MTMR7: variants seen among roughly 807,000 people sequenced by gnomAD.
The protein encoded by MTMR7 is phosphatidylinositol-3-phosphate phosphatase MTMR7.
A neutral mutation model predicts 81.2 loss-of-function variants in MTMR7; 76 were observed. That is an observed-to-expected ratio of 0.94 (90% CI 0.78 to 1.13). The LOEUF (loss-of-function observed/expected upper bound fraction) is 1.13, where lower values mean the gene tolerates loss of function less well. Among genes scored for constraint, MTMR7 ranks in the 50% most tolerant of loss-of-function variants. MTMR7 has a pLI of 0.00. For synonymous variants in MTMR7, 372 were observed against 289.8 expected, an observed-to-expected ratio of 1.28 and a Z score of -2.88; for missense variants, 1,044 against 820.0, an observed-to-expected ratio of 1.27 and a Z score of -3.34.
intron 7 of MTMR7, among the ~76,000 whole-genome samples, chr8:17,329,824 G>A (rs1269424447): frequency 1.3e-5 from 2 of 152,128 alleles, no homozygotes; most frequent in East Asian, 3.9e-4. Context: ...AAATAATCAT[G>A]CCCAGGGTAT....
intron 1 of MTMR7, among the ~76,000 whole-genome samples, chr8:17,390,629 G>C (rs1320389714): frequency 6.6e-6 from 1 of 151,978 alleles, no homozygotes; most frequent in Non-Finnish European, 1.5e-5. Context: ...ACCCAAGACT[G>C]GGTAATTTAT....
chr8:17,378,382 C>T (rs1031440161), intron 1 of MTMR7, among the ~76,000 whole-genome samples: 43 of 152,294 alleles, frequency 2.8e-4, no homozygotes, highest in African/African-American at 3.6e-4. Context: ...TATACTAAGA[C>T]GTTGAAAACG....
At chr8:17,382,310 G>C (rs1381451812) in intron 1 of MTMR7, among the ~76,000 whole-genome samples, 1 of 152,188 alleles carries the variant, frequency 6.6e-6, no homozygotes, top group Non-Finnish European at 1.5e-5. Context: ...GGAACAAGCT[G>C]CCCAGCCACA....
At chr8:17,396,270 G>A (rs1210677960) in intron 1 of MTMR7, among the ~76,000 whole-genome samples, 12 of 152,188 alleles carry the variant, frequency 7.9e-5, no homozygotes, top group Non-Finnish European at 1.5e-4. Flanking sequence ...CAAAAATCAG[G>A]TGAGCTATTA....
chr8:17,390,781 G>A (rs1299907969), intron 1 of MTMR7, among the ~76,000 whole-genome samples: 2 of 152,130 alleles, frequency 1.3e-5, no homozygotes, highest in African/African-American at 4.8e-5. Context: ...AAGGGGAAGA[G>A]CCCCTTATGA....
chr8:17,383,391 T>C (rs1367421427), intron 1 of MTMR7, among the ~76,000 whole-genome samples: 7 of 152,170 alleles, frequency 4.6e-5, no homozygotes, highest in Admixed American at 4.6e-4. Context: ...CATCAGATAC[T>C]GTGCTAGGTA....
At chr8:17,310,144 G>A (rs1373397659) in intron 9 of MTMR7, among the ~76,000 whole-genome samples, 1 of 151,786 alleles carries the variant, frequency 6.6e-6, no homozygotes, top group Non-Finnish European at 1.5e-5. Context: ...ACCACAGGTG[G>A]GCTCCACCAC....
intron 1 of MTMR7, among the ~76,000 whole-genome samples, chr8:17,391,861 A>G (rs1821119985): frequency 1.3e-5 from 2 of 152,162 alleles, no homozygotes; most frequent in Non-Finnish European, 2.9e-5. Flanking sequence ...AGTGGGGGTT[A>G]TTTTTAAACC....
At chr8:17,383,811 G>A (rs1483260699) in intron 1 of MTMR7, among the ~76,000 whole-genome samples, 11 of 151,722 alleles carry the variant, frequency 7.3e-5, no homozygotes, top group South Asian at 2.1e-4. Flanking sequence ...TTCTCTGGGC[G>A]GAGCTCTGAA....
At chr8:17,349,110 T>C in intron 4 of MTMR7, 29 bp from the exon 5 acceptor site, 1 of 1,608,028 alleles carries the variant, frequency 6.2e-7, no homozygotes, top group Non-Finnish European at 8.5e-7. Flanking sequence ...AAGAGATTTT[T>C]AGGCCATCTA....
In MTMR7 at chr8:17,412,044, A is replaced by G. The variant is rs530026173; in HGVS notation, c.24+1225T>C. Among the ~76,000 whole-genome samples, 16 of 152,354 alleles carry G rather than the reference A, an allele frequency of 1.1e-4. No individual in the cohort carries two copies. The East Asian group carries it at 3.1e-3, about 29-fold the overall frequency. On this transcript the variant is annotated intron_variant, in intron 1 of 13. Coordinates refer to ENST00000180173, the MANE Select transcript of MTMR7 (RefSeq NM_004686.5). Reference sequence around the variant, plus strand: ...AGCCACCTATTCTGTGGTTTGTAGCATTGTCTTCTAAGTTTACAATTTCAT... The same window carrying G: ...AGCCACCTATTCTGTGGTTTGTAGCGTTGTCTTCTAAGTTTACAATTTCAT...
chr8:17,303,994 A>T (rs1208299006), intron 12 of MTMR7, among the ~76,000 whole-genome samples: 1 of 152,202 alleles, frequency 6.6e-6, no homozygotes, highest in East Asian at 1.9e-4. Flanking sequence ...TTTGTTGTAT[A>T]ACGGCAAAAA....
chr8:17,351,818 G>A (rs1305013269), intron 4 of MTMR7, among the ~76,000 whole-genome samples: 1 of 152,196 alleles, frequency 6.6e-6, no homozygotes, highest in Non-Finnish European at 1.5e-5. Flanking sequence ...AGTTAACACG[G>A]GAAGATACAA....
rs111974014 is a variant in MTMR7 at position 17,340,855 on chromosome 8, T to C, written c.732+508A>G. ...CCTTTCAGATCTTTTTCTACACCTT[T>C]TTACACACCTAGAACTTTTTATGAA... On this transcript the variant is annotated intron_variant, in intron 6 of 13. Coordinates refer to ENST00000180173, the MANE Select transcript of MTMR7 (RefSeq NM_004686.5). Among the ~76,000 whole-genome samples the C allele has an allele frequency of 7.9e-4, 121 of 152,366 alleles. 3 individuals are homozygous for C. The highest frequency in any genetic ancestry group is 2.7e-3 in the African/African-American group (114 of 41,594).
chr8:17,305,908 G>GGT lies in MTMR7; in HGVS notation c.1199_1200dup (p.Gln401ThrfsTer10). The GGT allele has an allele frequency of 6.2e-7, 1 of 1,613,538 alleles. No homozygotes were observed. Among genetic ancestry groups the GGT allele is most frequent in the South Asian group, 1.1e-5 (1 of 91,046 alleles). ...AACTGCCAAACACACTCAATGAACT[G>GGT]GTCAATAACTGGAGAGATTTCTTTT... On this transcript the variant is annotated frameshift_variant, in exon 11 of 14. Coordinates refer to ENST00000180173, the MANE Select transcript of MTMR7 (RefSeq NM_004686.5). LOFTEE classifies it high-confidence loss of function.
chr8:17,375,646 A>T (rs1237387786), intron 1 of MTMR7, among the ~76,000 whole-genome samples: 1 of 152,178 alleles, frequency 6.6e-6, no homozygotes, highest in Non-Finnish European at 1.5e-5. Context: ...CTGTTTATAC[A>T]GTAAGGCTAG....
intron 4 of MTMR7, among the ~76,000 whole-genome samples, chr8:17,356,680 C>T (rs924511901): frequency 5.9e-5 from 9 of 151,730 alleles, no homozygotes; most frequent in Non-Finnish European, 7.4e-5. Flanking sequence ...CCCCACTGTA[C>T]TCTAGCTTGG....
chr8:17,408,535 G>C (rs1470202083), intron 1 of MTMR7, among the ~76,000 whole-genome samples: 1 of 152,008 alleles, frequency 6.6e-6, no homozygotes, highest in Non-Finnish European at 1.5e-5. Context: ...CAAACTGAGA[G>C]AACTACTGAA....
In MTMR7 at chr8:17,300,089, T is replaced by A; in HGVS notation, c.1756A>T (p.Met586Leu). ...ANTPQDYSGN[M>L]KSFPSRSPSQ... is the part of the protein sequence containing the mutation. ...GGGCTCCGGGATGGAAATGATTTCA[T>A]ATTCCCACTGTAATCCTGGGGAGTG... Residue 586 changes from methionine (M) to leucine (L), a missense_variant, in exon 14 of 14, where the codon ATG becomes TTG. By Grantham distance (15) the Met-to-Leu change is conservative. Coordinates refer to ENST00000180173, the MANE Select transcript of MTMR7 (RefSeq NM_004686.5). 1.2e-6 allele frequency: 2 copies of A among 1,614,188 alleles called. No individual in the cohort carries two copies. Among genetic ancestry groups the A allele is most frequent in the Non-Finnish European group, 1.7e-6 (2 of 1,180,024 alleles).
Sources: allele counts gnomAD v4.1 joint callset (sites outside exome capture counted in the v4.1 genomes callset), GRCh38; gene constraint gnomAD v4.1.1; transcripts MANE v1.5; gene names NCBI Gene and HGNC (gene_info 2026-07-23, HGNC 2026-07-21).